Variants in ETV5 observed in about 807,000 individuals in gnomAD.
ETV5 encodes ETS variant transcription factor 5.
Under a neutral mutation model 70.0 loss-of-function variants are expected in ETV5, and 10 were observed. The observed-to-expected ratio is 0.14, with a 90% CI of 0.09 to 0.24. The LOEUF (loss-of-function observed/expected upper bound fraction) is 0.24, where lower values mean the gene tolerates loss of function less well. Ranked by LOEUF, ETV5 falls within the 10% of genes least tolerant of loss-of-function variation. The pLI is 1.00. For missense variants in ETV5, 453 were observed against 651.2 expected (o/e 0.70, Z 3.31); for synonymous variants, 216 against 242.2 (o/e 0.89, Z 1.01).
At chr3:186,093,782 C>T (rs1000905687) in intron 5 of ETV5, among the ~76,000 whole-genome samples, 2 of 152,204 alleles carry the variant, frequency 1.3e-5, no homozygotes, top group Non-Finnish European at 2.9e-5. Flanking sequence ...AGATGATACC[C>T]AGGTCCTCAA....
Position 186,098,967 on chromosome 3 carries a change from C to CA in ETV5, c.232+6337dup, listed in dbSNP as rs148518077. 1.5e-3 allele frequency among the ~76,000 whole-genome samples: 233 copies of CA among 152,312 alleles called. 2 individuals carry two copies. The highest frequency in any genetic ancestry group is 5.4e-3 in the African/African-American group (223 of 41,582). On this transcript the variant is annotated intron_variant, in intron 5 of 12. Coordinates refer to ENST00000306376, the MANE Select transcript of ETV5 (RefSeq NM_004454.3). ...ATGCCTCGGCTGTTCAGATCAGCCT[C>CA]AAACTCCTGGCCTTTTAATAACTAG...
At chr3:186,100,998 T>C (rs773731786) in intron 5 of ETV5, among the ~76,000 whole-genome samples, 2 of 152,226 alleles carry the variant, frequency 1.3e-5, no homozygotes, top group South Asian at 4.1e-4. Context: ...GAAAAATGAA[T>C]GGAACACATC....
chr3:186,051,946 C>T (rs1713043207), intron 12 of ETV5, 84 bp downstream of exon 12: 13 of 1,342,064 alleles, frequency 9.7e-6, no homozygotes, highest in South Asian at 1.2e-5. Flanking sequence ...CTCGTAGCGA[C>T]GATCACCAGT....
intron 5 of ETV5, among the ~76,000 whole-genome samples, chr3:186,089,687 A>T (rs1013255613): frequency 1.3e-5 from 2 of 152,268 alleles, no homozygotes; most frequent in South Asian, 4.1e-4. Context: ...ACCCTAAAAA[A>T]GTCAGCGACT....
At position 186,064,297 on chromosome 3, in the gene ETV5, G is replaced by T. The variant is rs1248303483; in HGVS notation, c.970+120C>A. On this transcript the variant is annotated intron_variant, in intron 9 of 12. Transcript: ENST00000306376. ...CTGGAAACTGAGCAATTTTAAGCTT[G>T]GGTATTAGTCAAGCAAAGAAAGAGG... 21 of 907,636 alleles carry T rather than the reference G, an allele frequency of 2.3e-5. No homozygotes were observed. In the South Asian group the frequency reaches 3.0e-4, roughly 13 times the overall value. The allele number at this position is 907,636 out of a possible 1,614,324, so 56.2% of individuals were successfully genotyped here.
chr3:186,077,496 C>T (rs1713824364), intron 7 of ETV5, among the ~76,000 whole-genome samples: 1 of 152,086 alleles, frequency 6.6e-6, no homozygotes, highest in African/African-American at 2.4e-5. Context: ...TTTTATGTCA[C>T]ATAGATATCA....
At chr3:186,099,365 C>T (rs1460777745) in intron 5 of ETV5, among the ~76,000 whole-genome samples, 2 of 152,184 alleles carry the variant, frequency 1.3e-5, no homozygotes, top group African/African-American at 4.8e-5. Flanking sequence ...CAACCTAATC[C>T]GGTAATGGCA....
intron 6 of ETV5, 150 bp downstream of exon 6, chr3:186,080,896 T>C: frequency 1.1e-6 from 1 of 904,618 alleles, no homozygotes; most frequent in Non-Finnish European, 1.6e-6. Context: ...GGGACTGGAC[T>C]ACACCCGGAG....
At chr3:186,078,527 C>T (rs1021274321) in intron 7 of ETV5, among the ~76,000 whole-genome samples, 1 of 151,804 alleles carries the variant, frequency 6.6e-6, no homozygotes, top group South Asian at 2.1e-4. Flanking sequence ...GAATTAGTTG[C>T]CAACTTAAAA....
chr3:186,071,577 T>A (rs1353665390), intron 7 of ETV5, among the ~76,000 whole-genome samples: 3 of 152,234 alleles, frequency 2.0e-5, no homozygotes, highest in African/African-American at 7.2e-5. Context: ...GGCCCGGCCC[T>A]GTTATAACAC....
At chr3:186,074,859 CAAAAAAAAAA>C (rs747453303) in intron 7 of ETV5, among the ~76,000 whole-genome samples, 2 of 76,470 alleles carry the variant, frequency 2.6e-5, no homozygotes, top group African/African-American at 8.8e-5. Context: ...ACTCTGTCTC[CAAAAAAAAAA>C]AAAAAAAAAA....
chr3:186,105,559 A>C lies in ETV5; in HGVS notation c.134-63T>G. 6.2e-7 allele frequency: 1 copy of C among 1,611,750 alleles called. No homozygotes were observed. The highest frequency in any genetic ancestry group is 8.5e-7 in the Non-Finnish European group (1 of 1,177,946). ...TCTTTCGCTAGGGAGAAGACAGGGAAGAATCTACACGCTACTGTCACTGGG... is the reference window on the plus strand; with the variant it reads ...TCTTTCGCTAGGGAGAAGACAGGGACGAATCTACACGCTACTGTCACTGGG... On this transcript the variant is annotated intron_variant, in intron 3 of 12. Transcript: ENST00000306376. The surrounding 1 kb of genome is among the most constrained non-coding windows in gnomAD (Gnocchi z 4.5).
In ETV5 at chr3:186,057,408, G is replaced by C. The variant is rs772077647; in HGVS notation, c.1039+15C>G. 1 of 1,613,892 alleles carries C rather than the reference G, an allele frequency of 6.2e-7. No homozygotes were observed. The highest frequency in any genetic ancestry group is 8.5e-7 in the Non-Finnish European group (1 of 1,179,782). On this transcript the variant is annotated intron_variant, in intron 10 of 12. Transcript: ENST00000306376. The surrounding 1 kb of genome is among the most constrained non-coding windows in gnomAD (Gnocchi z 4.9). ...AACCTCTACCTGGCAACAAACCTTG[G>C]ATGGGGCTACTTACCTTCCAGTCTC... is the stretch of plus-strand genomic sequence containing the variant.
At chr3:186,099,211 A>G (rs1400905180) in intron 5 of ETV5, among the ~76,000 whole-genome samples, 1 of 152,218 alleles carries the variant, frequency 6.6e-6, no homozygotes, top group Admixed American at 6.5e-5. Context: ...TACACACTCT[A>G]ACTAGTGCCG....
At chr3:186,082,669 T>C (rs931742865) in intron 5 of ETV5, among the ~76,000 whole-genome samples, 4 of 152,212 alleles carry the variant, frequency 2.6e-5, no homozygotes, top group Admixed American at 2.0e-4. Flanking sequence ...TCCACCCACC[T>C]TGGCCTCCCA....
chr3:186,069,197 T>G (rs1289542436), intron 7 of ETV5, among the ~76,000 whole-genome samples: 1 of 152,194 alleles, frequency 6.6e-6, no homozygotes. Flanking sequence ...TAAGATCATT[T>G]TATAATATGA....
chr3:186,103,607 C>CT (rs1433669200), intron 5 of ETV5, among the ~76,000 whole-genome samples: 1 of 145,706 alleles, frequency 6.9e-6, no homozygotes, highest in African/African-American at 2.5e-5. Context: ...CAAACCCTGT[C>CT]TTTCATCTTG....
At chr3:186,074,031 A>G (rs906049056) in intron 7 of ETV5, among the ~76,000 whole-genome samples, 13 of 152,226 alleles carry the variant, frequency 8.5e-5, no homozygotes, top group African/African-American at 2.2e-4. Context: ...GCAGAAATCA[A>G]TGAAACAGAA....
At chr3:186,071,926 T>C (rs1411543054) in intron 7 of ETV5, among the ~76,000 whole-genome samples, 1 of 151,646 alleles carries the variant, frequency 6.6e-6, no homozygotes, top group Non-Finnish European at 1.5e-5. Flanking sequence ...GCCTCCCAAG[T>C]AGCTGGGATT....
Sources: gnomAD v4.1 joint callset for allele counts (sites outside exome capture counted in the v4.1 genomes callset) on GRCh38, gnomAD v4.1.1 for gene constraint, Gnocchi (gnomAD v3.1) non-coding constraint, MANE v1.5 for transcripts, NCBI Gene and HGNC (gene_info 2026-07-23, HGNC 2026-07-21) for gene names.